The following ZNF695 variants were observed in gnomAD, a reference collection of about 807,000 sequenced individuals.
The protein encoded by ZNF695 is zinc finger protein SBZF3.
A neutral mutation model predicts 11.2 loss-of-function variants in ZNF695; 11 were observed. That is an observed-to-expected ratio of 0.98 (90% CI 0.62 to 1.62). The LOEUF (loss-of-function observed/expected upper bound fraction) is 1.62, where lower values mean the gene tolerates loss of function less well. Among genes scored for constraint, ZNF695 ranks in the 40% most tolerant of loss-of-function variants. The pLI is 0.00. For missense variants in ZNF695, 559 were observed against 590.5 expected, an observed-to-expected ratio of 0.95 and a Z score of 0.55; for synonymous variants, 190 against 201.4, an observed-to-expected ratio of 0.94 and a Z score of 0.48.
At chr1:247,000,965 T>C (rs943084419) in intron 1 of ZNF695, among the ~76,000 whole-genome samples, 1 of 151,792 alleles carries the variant, frequency 6.6e-6, no homozygotes, top group Non-Finnish European at 1.5e-5. Context: ...GGATGAGGCA[T>C]GAGAATTGCT....
At chr1:246,968,663 G>C (rs1270118459) in intron 4 of ZNF695, 1 of 152,256 alleles carries the variant, frequency 6.6e-6, no homozygotes, top group Admixed American at 6.5e-5. Context: ...GCAAATTTCT[G>C]CCTGGATATC....
chr1:246,955,284 T>C (rs1667967710), intron 5 of ZNF695, among the ~76,000 whole-genome samples: 1 of 152,176 alleles, frequency 6.6e-6, no homozygotes, highest in Admixed American at 6.5e-5. Context: ...GCTCCTAGGC[T>C]ACAAACCTGT....
chr1:246,981,077 T>C (rs1205242752), downstream of ZNF695, among the ~76,000 whole-genome samples: 2 of 152,038 alleles, frequency 1.3e-5, no homozygotes, highest in African/African-American at 4.8e-5. Context: ...ATGGGGAAAA[T>C]ATCTAAATAT....
intron 4 of ZNF695, chr1:246,968,268 C>T (rs1161166179): frequency 6.6e-6 from 1 of 152,236 alleles, no homozygotes; most frequent in African/African-American, 2.4e-5. Flanking sequence ...GTTACAGGCC[C>T]CATGCAAGTC....
At chr1:246,960,943 A>G (rs1668148279) in intron 5 of ZNF695, among the ~76,000 whole-genome samples, 1 of 152,054 alleles carries the variant, frequency 6.6e-6, no homozygotes, top group Non-Finnish European at 1.5e-5. Flanking sequence ...AAACAACACA[A>G]AGAATGGTAG....
rs555176029 is a variant in ZNF695 at position 246,956,568 on chromosome 1, A to T, written c.489-10741T>A. On this transcript the variant is annotated intron_variant, in intron 5 of 5. Coordinates refer to the ZNF695 transcript ENST00000487338. ...GAGGCAGAGGTTGCAGTGAGCCGAG[A>T]TTGTGCCGCTGCACTCCAGCCTGGG... Among the ~76,000 whole-genome samples, 9 of 152,212 alleles carry T rather than the reference A, an allele frequency of 5.9e-5. No individual in the cohort carries two copies. The South Asian group carries it at 1.7e-3, about 28-fold the overall frequency.
Position 246,987,395 on chromosome 1 carries a change from G to C in ZNF695, c.1120C>G (p.His374Asp). 1.2e-6 allele frequency: 2 copies of C among 1,613,104 alleles called. No homozygotes were observed. Among genetic ancestry groups the C allele is most frequent in the Admixed American group, 3.3e-5 (2 of 59,874 alleles). The change falls in exon 4 of 4, where the codon CAT becomes GAT. Residue 374 changes from histidine to aspartate, a missense_variant. Coordinates refer to ENST00000339986, the MANE Select transcript of ZNF695 (RefSeq NM_020394.5). ...CATTTGTATGGTTTCTCACCAGTAT[G>C]AATTCTCCTATGTTCAGTCAGATGT... The part of the protein sequence containing the change: ...SSHLTEHRRI[H>D]TGEKPYKCEE...
chr1:246,975,105 T>C (rs1222955239), intron 4 of ZNF695, among the ~76,000 whole-genome samples: 2 of 152,230 alleles, frequency 1.3e-5, no homozygotes, highest in Non-Finnish European at 2.9e-5. Context: ...TGTTTTTGCA[T>C]TTACGATTAG....
At chr1:247,002,052 T>C (rs572037930) in intron 1 of ZNF695, among the ~76,000 whole-genome samples, 18 of 152,166 alleles carry the variant, frequency 1.2e-4, no homozygotes, top group Admixed American at 5.2e-4. Context: ...CACCTGCACA[T>C]GGCATATATT....
intron 5 of ZNF695, among the ~76,000 whole-genome samples, chr1:246,948,118 G>A (rs148747527): frequency 2.4e-4 from 37 of 152,112 alleles, no homozygotes; most frequent in African/African-American, 8.7e-4. Flanking sequence ...CTGTCACTCA[G>A]ACTGGAATGC....
chr1:246,976,623 T>A (rs1486982474), intron 4 of ZNF695, among the ~76,000 whole-genome samples: 3 of 151,364 alleles, frequency 2.0e-5, no homozygotes, highest in Middle Eastern at 3.4e-3. Context: ...TGAAACCCCG[T>A]CTCTACTAAA....
chr1:246,990,086 AAG>A (rs981565315), intron 3 of ZNF695, among the ~76,000 whole-genome samples: 2 of 150,932 alleles, frequency 1.3e-5, no homozygotes, highest in African/African-American at 4.9e-5. Context: ...GGAAGGGAGA[AAG>A]AGAGAGAAGA....
At chr1:246,992,273 C>T (rs574899607) in intron 3 of ZNF695, among the ~76,000 whole-genome samples, 1 of 152,044 alleles carries the variant, frequency 6.6e-6, no homozygotes. Context: ...AAGGTCACCA[C>T]GTTAAGTAAA....
chr1:246,950,425 G>A (rs758514084), intron 5 of ZNF695, among the ~76,000 whole-genome samples: 3 of 152,050 alleles, frequency 2.0e-5, no homozygotes, highest in East Asian at 1.9e-4. Flanking sequence ...CAAGGTGGGC[G>A]GATCACCTGA....
intron 5 of ZNF695, among the ~76,000 whole-genome samples, chr1:246,946,009 T>C (rs1667726292): frequency 6.6e-6 from 1 of 152,154 alleles, no homozygotes; most frequent in Non-Finnish European, 1.5e-5. Context: ...CTGAGAGGTT[T>C]TAGATGGCAA....
At chr1:246,972,927 ATG>A (rs935165677) in intron 4 of ZNF695, among the ~76,000 whole-genome samples, 12 of 93,074 alleles carry the variant, frequency 1.3e-4, no homozygotes, top group African/African-American at 7.1e-4. Context: ...TATATTTTTA[ATG>A]TGTATATATA....
At position 246,986,434 on chromosome 1, in the gene ZNF695, T is replaced by G; in HGVS notation, c.*533A>C. The G allele has an allele frequency of 2.0e-6, 2 of 985,560 alleles. No individual in the cohort carries two copies. Among genetic ancestry groups the G allele is most frequent in the South Asian group, 9.4e-5 (2 of 21,294 alleles). The allele number at this position is 985,560 out of a possible 1,614,324, so 61.1% of individuals were successfully genotyped here. On this transcript the variant is annotated 3_prime_UTR_variant, in exon 4 of 4. Coordinates refer to ENST00000339986, the MANE Select transcript of ZNF695 (RefSeq NM_020394.5). ...GGTGAATCTCCTACTTACTTTAACTTAACTTTGAATTATTCTCTATAACCA... is the reference window on the plus strand; with the variant it reads ...GGTGAATCTCCTACTTACTTTAACTGAACTTTGAATTATTCTCTATAACCA...
At position 246,986,188 on chromosome 1, in the gene ZNF695, C is replaced by A. The variant is rs147920969; in HGVS notation, c.*779G>T. 556 of 510,674 alleles carry A rather than the reference C, an allele frequency of 1.1e-3. 5 individuals carry two copies. Among genetic ancestry groups the A allele is most frequent in the African/African-American group, 0.01 (496 of 48,118 alleles). The allele number at this position is 510,674 out of a possible 1,614,324, so 31.6% of individuals were successfully genotyped here. A position where few individuals can be genotyped will look rare whatever the true frequency, so the allele number is the denominator to read the frequency against. On this transcript the variant is annotated 3_prime_UTR_variant, in exon 4 of 4. Transcript: ENST00000339986. Reference sequence around the variant, plus strand: ...GGCTCAAGCAATCCTCCCACCTGAGCCTTCCAAGTAGCTGGGACAACAGGC... The same window carrying A: ...GGCTCAAGCAATCCTCCCACCTGAGACTTCCAAGTAGCTGGGACAACAGGC...
At chr1:246,990,585 C>T (rs1260879508) in intron 3 of ZNF695, among the ~76,000 whole-genome samples, 2 of 152,188 alleles carry the variant, frequency 1.3e-5, no homozygotes, top group African/African-American at 2.4e-5. Context: ...AAAGAAACAT[C>T]GCACTTATCT....
Sources: allele counts gnomAD v4.1 joint callset (sites outside exome capture counted in the v4.1 genomes callset), GRCh38; gene constraint gnomAD v4.1.1; transcripts MANE v1.5; gene names NCBI Gene and HGNC (gene_info 2026-07-23, HGNC 2026-07-21).